Variants in CDH10 observed in about 807,000 individuals in gnomAD.
CDH10 encodes cadherin 10, also known as cadherin-10.
Under a neutral mutation model 73.1 loss-of-function variants are expected in CDH10, and 30 were observed. That is an observed-to-expected ratio of 0.41 (90% CI 0.31 to 0.56). The LOEUF is 0.56. Ranked by LOEUF, CDH10 falls within the 20% of genes least tolerant of loss-of-function variation. The pLI is 0.27. For missense variants in CDH10, 815 were observed against 973.7 expected (o/e 0.84, Z 2.17); for synonymous variants, 345 against 348.2 (o/e 0.99, Z 0.10).
intron 2 of CDH10, among the ~76,000 whole-genome samples, chr5:24,576,695 A>G (rs1745611852): frequency 6.6e-6 from 1 of 152,170 alleles, no homozygotes; most frequent in African/African-American, 2.4e-5. Flanking sequence ...ATAAATGAAC[A>G]GGGGAGAAGA....
At chr5:24,554,473 CG>C (rs1744685889) in intron 2 of CDH10, among the ~76,000 whole-genome samples, 1 of 149,326 alleles carries the variant, frequency 6.7e-6, no homozygotes. Flanking sequence ...TCTCCCTATT[CG>C]TGTGTGTGTG....
intron 1 of CDH10, among the ~76,000 whole-genome samples, chr5:24,602,671 G>A (rs1379709496): frequency 6.6e-6 from 1 of 152,110 alleles, no homozygotes; most frequent in Non-Finnish European, 1.5e-5. Context: ...ACCTTTAATG[G>A]ACTGAGTTAA....
chr5:24,513,641 A>G (rs1212170925), intron 5 of CDH10, among the ~76,000 whole-genome samples: 3 of 152,178 alleles, frequency 2.0e-5, no homozygotes, highest in Non-Finnish European at 4.4e-5. Flanking sequence ...CCTAAGAGGC[A>G]TCATTAAAAC....
chr5:24,557,933 CA>C (rs1319842506), intron 2 of CDH10, among the ~76,000 whole-genome samples: 2 of 151,712 alleles, frequency 1.3e-5, no homozygotes, highest in Non-Finnish European at 1.5e-5. Context: ...AGCATTACAG[CA>C]GTTTTATATT....
rs55901211 is a variant in CDH10, at chr5:24,511,545, C to CAGAGAGAGAGAG, written c.815-43_815-32dup. 1,318 of 575,500 alleles carry CAGAGAGAGAGAG rather than the reference C, an allele frequency of 2.3e-3. 16 individuals are homozygous for CAGAGAGAGAGAG. The highest frequency in any genetic ancestry group is 3.7e-3 in the African/African-American group (170 of 46,398). 35.6% of individuals were successfully genotyped at this position (575,500 alleles called of 1,614,324 possible). A position where few individuals can be genotyped will look rare whatever the true frequency, so the allele number is the denominator to read the frequency against. On this transcript the variant is annotated intron_variant, in intron 5 of 11. Coordinates refer to ENST00000264463, the MANE Select transcript of CDH10 (RefSeq NM_006727.5). ...AAGTATAAAGAAAAGAAGAGAGAGA[C>CAGAGAGAGAGAG]AGAGAGAGAGAGAGAGAGAGAGAGA...
At chr5:24,592,764 A>T (rs1471522743) in intron 2 of CDH10, among the ~76,000 whole-genome samples, 1 of 151,806 alleles carries the variant, frequency 6.6e-6, no homozygotes, top group African/African-American at 2.4e-5. Context: ...TAACATTCAT[A>T]CCTAGAATAA....
chr5:24,610,744 A>T (rs1418350114), intron 1 of CDH10, among the ~76,000 whole-genome samples: 1 of 152,142 alleles, frequency 6.6e-6, no homozygotes, highest in African/African-American at 2.4e-5. Context: ...ACCTATGTGC[A>T]CTGAGGGGAT....
chr5:24,590,338 G>C (rs114575341), intron 2 of CDH10, among the ~76,000 whole-genome samples: 4,381 of 150,068 alleles, frequency 0.029, 214 homozygotes, highest in African/African-American at 0.1. Flanking sequence ...TATTTATAAT[G>C]TAATATTATT....
intron 1 of CDH10, among the ~76,000 whole-genome samples, chr5:24,608,481 C>T (rs759835470): frequency 2.0e-5 from 3 of 151,886 alleles, no homozygotes; most frequent in Non-Finnish European, 2.9e-5. Context: ...TTAGTAGAGA[C>T]GGGGTTTCAC....
rs115165233 is a variant in CDH10, at chr5:24,609,385, G to A, written c.-123-15772C>T. 4.1e-3 allele frequency among the ~76,000 whole-genome samples: 617 copies of A among 152,220 alleles called. 2 individuals carry two copies. Among genetic ancestry groups the A allele is most frequent in the Non-Finnish European group, 6.4e-3 (438 of 68,012 alleles). On this transcript the variant is annotated intron_variant, in intron 1 of 11. Transcript: ENST00000264463. ...AAGAAATGGTTGATGAAACTGTCTA[G>A]GTAAATGAGTAAGAGGACAACCTCA...
At chr5:24,644,524 C>A (rs751957272) in intron 1 of CDH10, 70 bp downstream of exon 1, 2 of 151,906 alleles carry the variant, frequency 1.3e-5, no homozygotes, top group African/African-American at 2.4e-5. Flanking sequence ...CCCTCTCCCC[C>A]CCCACCCCTC....
At chr5:24,563,610 A>AAAAAAT (rs1324113232) in intron 2 of CDH10, among the ~76,000 whole-genome samples, 6 of 146,694 alleles carry the variant, frequency 4.1e-5, no homozygotes, top group African/African-American at 1.5e-4. Flanking sequence ...AAAAAAAAAA[A>AAAAAAT]AAAAAAATTA....
At chr5:24,601,977 C>T (rs1746580124) in intron 1 of CDH10, among the ~76,000 whole-genome samples, 1 of 152,080 alleles carries the variant, frequency 6.6e-6, no homozygotes, top group African/African-American at 2.4e-5. Context: ...GGTTTTATGA[C>T]CACCCACTTT....
Position 24,574,839 on chromosome 5 carries a change from G to GA in CDH10, c.231+18420dup, listed in dbSNP as rs372892635. ...ATTTAATTAGTTCAAAAGATGATAG[G>GA]AAAAAAAAACCAGAGAACAAAACTA... is the stretch of plus-strand genomic sequence containing the variant. On this transcript the variant is annotated intron_variant, in intron 2 of 11. Coordinates refer to ENST00000264463, the MANE Select transcript of CDH10 (RefSeq NM_006727.5). Among the ~76,000 whole-genome samples the GA allele has an allele frequency of 2.5e-3, 220 of 87,352 alleles. 1 individual carries two copies. The highest frequency in any genetic ancestry group is 8.0e-3 in the Admixed American group (68 of 8,510). 57.3% of individuals were successfully genotyped at this position (87,352 alleles called of 152,430 possible). A position where few individuals can be genotyped will look rare whatever the true frequency, so the allele number is the denominator to read the frequency against.
intron 1 of CDH10, among the ~76,000 whole-genome samples, chr5:24,604,078 G>A (rs1472607136): frequency 3.3e-5 from 5 of 152,206 alleles, no homozygotes; most frequent in Non-Finnish European, 7.3e-5. Flanking sequence ...TGTCTGGCAT[G>A]TGGCTCACTC....
chr5:24,630,572 T>C (rs956200898), intron 1 of CDH10, among the ~76,000 whole-genome samples: 2 of 142,462 alleles, frequency 1.4e-5, no homozygotes, highest in Non-Finnish European at 3.1e-5. Context: ...AAAAAGAATA[T>C]CAAGAATATC....
chr5:24,628,819 G>A (rs1028028231), intron 1 of CDH10, among the ~76,000 whole-genome samples: 4 of 141,798 alleles, frequency 2.8e-5, no homozygotes, highest in Admixed American at 7.2e-5. Context: ...AACACTTGCC[G>A]CCCCCCCCAC....
chr5:24,512,904 T>G (rs1579741716), intron 5 of CDH10, among the ~76,000 whole-genome samples: 1 of 41,678 alleles, frequency 2.4e-5, no homozygotes, highest in Non-Finnish European at 6.1e-5. Context: ...ATTTAGTCAC[T>G]TCCATGAAAG....
intron 8 of CDH10, 151 bp downstream of exon 8, chr5:24,504,961 G>C (rs973366216): frequency 8.2e-6 from 5 of 608,716 alleles, no homozygotes; most frequent in Non-Finnish European, 1.4e-5. Flanking sequence ...TTGAAAAAAA[G>C]TGTAAGTGCT....
Sources: allele counts gnomAD v4.1 joint callset (sites outside exome capture counted in the v4.1 genomes callset), GRCh38; gene constraint gnomAD v4.1.1; transcripts MANE v1.5; gene names NCBI Gene and HGNC (gene_info 2026-07-23, HGNC 2026-07-21).